MACROD2: variants seen among roughly 807,000 people sequenced by gnomAD.
MACROD2 encodes ADP-ribose glycohydrolase MACROD2.
In MACROD2, 36 loss-of-function variants were observed where a neutral mutation model predicts 70.4. The ratio of observed to expected loss-of-function variants is 0.51; its 90% CI spans 0.39 to 0.68. The LOEUF (loss-of-function observed/expected upper bound fraction) is 0.68, where lower values mean the gene tolerates loss of function less well. MACROD2 is among the 30% of genes least tolerant of loss of function. MACROD2 has a pLI of 0.00. For missense variants in MACROD2, 496 were observed against 538.4 expected (o/e 0.92, Z 0.78); for synonymous variants, 172 against 178.8 (o/e 0.96, Z 0.30).
chr20:14,778,731 C>T (rs1447912620), intron 5 of MACROD2, among the ~76,000 whole-genome samples: 1 of 152,100 alleles, frequency 6.6e-6, no homozygotes, highest in Non-Finnish European at 1.5e-5. Context: ...AAGAGCTTTA[C>T]TGTGAAGCTT....
At chr20:14,428,192 A>G (rs2083955711) in intron 3 of MACROD2, among the ~76,000 whole-genome samples, 1 of 152,152 alleles carries the variant, frequency 6.6e-6, no homozygotes, top group Non-Finnish European at 1.5e-5. Context: ...AAATGGATTA[A>G]TAGTGTTATA....
intron 3 of MACROD2, among the ~76,000 whole-genome samples, chr20:14,337,205 G>C (rs190306915): frequency 6.6e-6 from 1 of 152,122 alleles, no homozygotes; most frequent in Admixed American, 6.6e-5. Context: ...ATGAAAGAAG[G>C]TTCTAAGAAA....
intron 2 of MACROD2, among the ~76,000 whole-genome samples, chr20:14,064,219 C>T (rs537987473): frequency 6.6e-6 from 1 of 152,180 alleles, no homozygotes; most frequent in East Asian, 1.9e-4. Flanking sequence ...TTTTCCTTTG[C>T]CCTTCCTATA....
intron 8 of MACROD2, among the ~76,000 whole-genome samples, chr20:15,519,256 G>A (rs1351235791): frequency 6.6e-6 from 1 of 152,062 alleles, no homozygotes; most frequent in East Asian, 1.9e-4. Context: ...GACCACAGGT[G>A]CCCGCCACCA....
chr20:14,509,696 T>C lies in MACROD2; in HGVS notation c.301+16188T>C, dbSNP rs181528351. Among the ~76,000 whole-genome samples, 10 of 151,986 alleles carry C rather than the reference T, an allele frequency of 6.6e-5. No individual in the cohort carries two copies. The East Asian group carries it at 1.9e-3, about 29-fold the overall frequency. Reference sequence around the variant, plus strand: ...CACATTTATGTGAGGAGTAAATGAGTTAATACAAGTTAAAAGCTCAGAATA... The same window carrying C: ...CACATTTATGTGAGGAGTAAATGAGCTAATACAAGTTAAAAGCTCAGAATA... On this transcript the variant is annotated intron_variant, in intron 4 of 17. Coordinates refer to ENST00000684519, the MANE Select transcript of MACROD2 (RefSeq NM_001351661.2).
chr20:15,311,913 T>G (rs899382257), intron 6 of MACROD2, among the ~76,000 whole-genome samples: 5 of 152,096 alleles, frequency 3.3e-5, no homozygotes, highest in African/African-American at 1.2e-4. Flanking sequence ...AACCTGTACA[T>G]GTATCCCCTG....
intron 4 of MACROD2, among the ~76,000 whole-genome samples, chr20:14,582,664 C>T (rs755838976): frequency 8.6e-5 from 13 of 152,014 alleles, no homozygotes; most frequent in Non-Finnish European, 1.5e-4. Flanking sequence ...CAGTTAGGGT[C>T]CCAGTGTAGG....
chr20:15,185,169 G>T (rs1208659606), intron 5 of MACROD2, among the ~76,000 whole-genome samples: 2 of 152,064 alleles, frequency 1.3e-5, no homozygotes, highest in South Asian at 2.1e-4. Context: ...ACATCTAGGG[G>T]TTCCCATAAA....
intron 10 of MACROD2, among the ~76,000 whole-genome samples, chr20:15,931,039 GT>G (rs1373333906): frequency 1.3e-5 from 2 of 152,156 alleles, no homozygotes; most frequent in Non-Finnish European, 2.9e-5. Flanking sequence ...TGTGAAATGT[GT>G]TAAAAGGTCT....
At chr20:14,747,703 A>G (rs2123730502) in intron 5 of MACROD2, among the ~76,000 whole-genome samples, 1 of 152,210 alleles carries the variant, frequency 6.6e-6, no homozygotes, top group East Asian at 1.9e-4. Flanking sequence ...GCATGGGAGC[A>G]GATTAGAGTG....
chr20:14,455,022 T>TAC (rs966804877), intron 3 of MACROD2, among the ~76,000 whole-genome samples: 4 of 151,000 alleles, frequency 2.6e-5, no homozygotes, highest in African/African-American at 9.9e-5. Context: ...AATCTGTCTC[T>TAC]ACACTCTTTC....
chr20:14,637,560 T>C (rs1211211225), intron 4 of MACROD2, among the ~76,000 whole-genome samples: 1 of 152,226 alleles, frequency 6.6e-6, no homozygotes, highest in Non-Finnish European at 1.5e-5. Context: ...TGAAGCCTAA[T>C]CGTGCCTTCT....
chr20:14,694,221 T>G (rs966207901), intron 5 of MACROD2, among the ~76,000 whole-genome samples: 4 of 152,226 alleles, frequency 2.6e-5, no homozygotes, highest in Admixed American at 2.6e-4. Context: ...TTTCAGTTCT[T>G]ACATATTTGT....
chr20:14,709,401 ACTCT>A (rs963976004), intron 5 of MACROD2, among the ~76,000 whole-genome samples: 5 of 151,968 alleles, frequency 3.3e-5, no homozygotes, highest in African/African-American at 1.2e-4. Context: ...ACAAACACAC[ACTCT>A]CACACACTCA....
intron 8 of MACROD2, among the ~76,000 whole-genome samples, chr20:15,822,655 T>C (rs543907098): frequency 2.9e-4 from 44 of 152,296 alleles, no homozygotes; most frequent in African/African-American, 9.9e-4. Flanking sequence ...TTTCACTAAA[T>C]TGATCCACAT....
intron 3 of MACROD2, among the ~76,000 whole-genome samples, chr20:14,273,243 T>A (rs1207373522): frequency 7.2e-5 from 11 of 152,022 alleles, no homozygotes; most frequent in South Asian, 2.1e-4. Flanking sequence ...CATAGTTGGA[T>A]GTAAAGCTCT....
chr20:14,248,321 C>T (rs552176933), intron 3 of MACROD2, among the ~76,000 whole-genome samples: 1 of 152,274 alleles, frequency 6.6e-6, no homozygotes, highest in South Asian at 2.1e-4. Context: ...CACAGTGGCT[C>T]AGCCTGTAAG....
chr20:14,523,090 C>T (rs1203606282), intron 4 of MACROD2, among the ~76,000 whole-genome samples: 1 of 152,112 alleles, frequency 6.6e-6, no homozygotes, highest in African/African-American at 2.4e-5. Context: ...GGTCCTCTTC[C>T]ATTTTCCGAT....
At chr20:14,073,072 A>G (rs1421014287) in intron 2 of MACROD2, among the ~76,000 whole-genome samples, 1 of 152,196 alleles carries the variant, frequency 6.6e-6, no homozygotes, top group African/African-American at 2.4e-5. Context: ...ATAGTGGTTC[A>G]TGCCTGTAAT....
Sources: gnomAD v4.1 joint callset for allele counts (sites outside exome capture counted in the v4.1 genomes callset) on GRCh38, gnomAD v4.1.1 for gene constraint, MANE v1.5 for transcripts, NCBI Gene and HGNC (gene_info 2026-07-23, HGNC 2026-07-21) for gene names.